The following TENM3 variants were observed in gnomAD, a reference collection of about 807,000 sequenced individuals.
The protein encoded by TENM3 is teneurin transmembrane protein 3.
In TENM3, 63 loss-of-function variants were observed where a neutral mutation model predicts 255.1. The observed-to-expected ratio is 0.25, with a 90% CI of 0.20 to 0.30. TENM3 has a LOEUF of 0.30. Ranked by LOEUF, TENM3 falls within the 10% of genes least tolerant of loss-of-function variation. The probability of loss-of-function intolerance (pLI) is 1.00; values close to 1 mark genes in which losing one functional copy is unlikely to be tolerated. For missense variants in TENM3, 2,929 were observed against 3,461.1 expected (o/e 0.85, Z 3.86); for synonymous variants, 1,306 against 1,322.3 (o/e 0.99, Z 0.27).
At chr4:181,809,148 CAAAG>C in the TENM3 span, among the ~76,000 whole-genome samples, 761 of 152,150 alleles carry the variant, frequency 5.0e-3, 6 homozygotes, top group Middle Eastern at 0.014. Flanking sequence ...AAGAAGCTCA[CAAAG>C]AAAGAAGTTA....
chr4:182,768,100 A>T (rs1038928228), intron 22 of TENM3, among the ~76,000 whole-genome samples: 1 of 152,190 alleles, frequency 6.6e-6, no homozygotes, highest in African/African-American at 2.4e-5. Flanking sequence ...CACAGAAGGG[A>T]TAAAGAGCAC....
intron 21 of TENM3, among the ~76,000 whole-genome samples, chr4:182,753,892 C>G (rs1043683512): frequency 6.6e-6 from 1 of 152,086 alleles, no homozygotes; most frequent in Admixed American, 6.6e-5. Context: ...CTAAAAAGAA[C>G]CAAACAACTG....
At chr4:181,476,929 T>C in the TENM3 span, among the ~76,000 whole-genome samples, 1 of 152,220 alleles carries the variant, frequency 6.6e-6, no homozygotes, top group Admixed American at 6.5e-5. Context: ...GTAACACACA[T>C]GCTTTCCACA....
At chr4:181,571,708 T>A in the TENM3 span, among the ~76,000 whole-genome samples, 1 of 152,322 alleles carries the variant, frequency 6.6e-6, no homozygotes, top group Non-Finnish European at 1.5e-5. Flanking sequence ...ATATGAATTC[T>A]ATATTTTTGA....
At chr4:182,624,017 CTCTG>C (rs1224448039) in intron 4 of TENM3, among the ~76,000 whole-genome samples, 1 of 149,984 alleles carries the variant, frequency 6.7e-6, no homozygotes, top group Non-Finnish European at 1.5e-5. Flanking sequence ...CACCTCCGTT[CTCTG>C]TCTGAGATGT....
the TENM3 span, among the ~76,000 whole-genome samples, chr4:182,109,959 G>A: frequency 6.6e-6 from 1 of 151,852 alleles, no homozygotes; most frequent in African/African-American, 2.4e-5. Context: ...CAATAGTTAG[G>A]GGAAAAATGA....
At chr4:181,570,398 G>C in the TENM3 span, among the ~76,000 whole-genome samples, 8 of 152,050 alleles carry the variant, frequency 5.3e-5, no homozygotes, top group Non-Finnish European at 8.8e-5. Flanking sequence ...CTGCTCAGGA[G>C]GCTGAGTTGG....
chr4:181,790,363 G>C, the TENM3 span, among the ~76,000 whole-genome samples: 3 of 152,138 alleles, frequency 2.0e-5, no homozygotes, highest in African/African-American at 7.2e-5. Flanking sequence ...ACACTAAATA[G>C]AACATTGTTC....
the TENM3 span, among the ~76,000 whole-genome samples, chr4:181,483,714 T>C: frequency 5.4e-3 from 827 of 152,248 alleles, 5 homozygotes; most frequent in African/African-American, 0.019. Flanking sequence ...GTAGGTAAAT[T>C]AAGAAAGACC....
the TENM3 span, among the ~76,000 whole-genome samples, chr4:182,058,469 G>T: frequency 1.3e-5 from 2 of 152,048 alleles, no homozygotes; most frequent in Admixed American, 6.6e-5. Flanking sequence ...TAAAATTTAG[G>T]TTTGGTGTTT....
At chr4:181,569,212 C>A in the TENM3 span, among the ~76,000 whole-genome samples, 1 of 152,044 alleles carries the variant, frequency 6.6e-6, no homozygotes, top group Non-Finnish European at 1.5e-5. Context: ...TCCCTGCTGC[C>A]CTGCTCTTTC....
At chr4:181,498,460 G>GA in the TENM3 span, among the ~76,000 whole-genome samples, 4 of 152,002 alleles carry the variant, frequency 2.6e-5, no homozygotes, top group Non-Finnish European at 4.4e-5. Context: ...CCTGCTCCCA[G>GA]AAAAAAAGGC....
intron 3 of TENM3, among the ~76,000 whole-genome samples, chr4:182,564,891 T>A (rs1018494366): frequency 6.6e-6 from 1 of 152,234 alleles, no homozygotes; most frequent in Non-Finnish European, 1.5e-5. Context: ...CCCTCTTAGC[T>A]TTTATGTCTG....
chr4:181,962,235 A>G, the TENM3 span, among the ~76,000 whole-genome samples: 1 of 152,256 alleles, frequency 6.6e-6, no homozygotes, highest in African/African-American at 2.4e-5. Context: ...ATTTTAATGC[A>G]TCCAAATCCT....
At chr4:181,992,597 C>G in the TENM3 span, among the ~76,000 whole-genome samples, 3 of 152,002 alleles carry the variant, frequency 2.0e-5, no homozygotes, top group Non-Finnish European at 2.9e-5. Flanking sequence ...TTATAAATGA[C>G]TTTCTCCTGA....
chr4:182,160,595 A>T (rs995456127), intron 1 of TENM3, among the ~76,000 whole-genome samples: 1 of 152,216 alleles, frequency 6.6e-6, no homozygotes, highest in East Asian at 1.9e-4. Context: ...ATGCAGAGAG[A>T]CCAATACCGT....
rs1374556656 is a variant in TENM3 at position 182,714,585 on chromosome 4, C to T, written c.2368+352C>T. On this transcript the variant is annotated intron_variant, in intron 13 of 27. Transcript: ENST00000511685. ...TCCAAAGCAGTATTTTAATAACTGACATTCCAAAAGATGCAAAGAATTTTC... is the reference window on the plus strand; with the variant it reads ...TCCAAAGCAGTATTTTAATAACTGATATTCCAAAAGATGCAAAGAATTTTC... Among the ~76,000 whole-genome samples the T allele has an allele frequency of 3.3e-5, 5 of 152,170 alleles. No individual in the cohort carries two copies. The East Asian group carries it at 7.7e-4, about 24-fold the overall frequency.
At chr4:181,509,507 A>T in the TENM3 span, among the ~76,000 whole-genome samples, 1 of 152,038 alleles carries the variant, frequency 6.6e-6, no homozygotes, top group Non-Finnish European at 1.5e-5. Context: ...GAAAGCTTTA[A>T]GCCTCTGAGT....
At chr4:182,075,283 C>T in the TENM3 span, among the ~76,000 whole-genome samples, 1 of 145,726 alleles carries the variant, frequency 6.9e-6, no homozygotes, top group African/African-American at 2.6e-5. Context: ...ACTGCAACCT[C>T]TGCCTCCTGG....
Sources: allele counts gnomAD v4.1 joint callset (sites outside exome capture counted in the v4.1 genomes callset), GRCh38; gene constraint gnomAD v4.1.1; transcripts MANE v1.5; gene names NCBI Gene and HGNC (gene_info 2026-07-23, HGNC 2026-07-21).